Variants in SPMIP2 observed in about 807,000 individuals in gnomAD.
SPMIP2 encodes protein SPMIP2.
At chr4:158,958,414 A>C in the SPMIP2 span, among the ~76,000 whole-genome samples, 5 of 152,172 alleles carry the variant, frequency 3.3e-5, no homozygotes. Flanking sequence ...GATTACAGGC[A>C]TGAGCCACTG....
the SPMIP2 span, among the ~76,000 whole-genome samples, chr4:158,976,659 A>ATTTTTTTTTT: frequency 9.5e-5 from 9 of 94,718 alleles, no homozygotes; most frequent in Non-Finnish European, 1.3e-4. Context: ...ATGGATAAGC[A>ATTTTTTTTTT]TTTTTTTTTT....
At chr4:158,950,102 T>C in the SPMIP2 span, among the ~76,000 whole-genome samples, 3,147 of 152,302 alleles carry the variant, frequency 0.021, 115 homozygotes, top group African/African-American at 0.07. Context: ...TCCGTAAGTG[T>C]TCCTTAAGAC....
the SPMIP2 span, among the ~76,000 whole-genome samples, chr4:159,065,716 A>G: frequency 1.8e-4 from 28 of 152,318 alleles, no homozygotes; most frequent in African/African-American, 5.1e-4. Flanking sequence ...TTGCCTGTTA[A>G]ATATGCCACA....
chr4:159,079,587 T>TTTGTATTGGCTG, the SPMIP2 span, among the ~76,000 whole-genome samples: 7 of 152,210 alleles, frequency 4.6e-5, no homozygotes, highest in Non-Finnish European at 1.0e-4. Flanking sequence ...ACTTGGGGTT[T>TTTGTATTGGCTG]TTGTATTGGC....
chr4:159,061,182 GA>G, the SPMIP2 span, among the ~76,000 whole-genome samples: 1,326 of 151,232 alleles, frequency 8.8e-3, 27 homozygotes, highest in African/African-American at 0.03. Flanking sequence ...AATATAGCCA[GA>G]AAACAGCAGA....
chr4:159,070,944 C>T, the SPMIP2 span, among the ~76,000 whole-genome samples: 26 of 152,234 alleles, frequency 1.7e-4, no homozygotes, highest in Non-Finnish European at 2.5e-4. Flanking sequence ...TCTGGATCTG[C>T]GCCAAGCCTC....
chr4:159,065,354 T>G, the SPMIP2 span, among the ~76,000 whole-genome samples: 1 of 152,244 alleles, frequency 6.6e-6, no homozygotes, highest in Non-Finnish European at 1.5e-5. Context: ...GAGTACCTTT[T>G]CATCAGCCTT....
the SPMIP2 span, among the ~76,000 whole-genome samples, chr4:158,916,850 A>G: frequency 6.6e-6 from 1 of 152,142 alleles, no homozygotes; most frequent in Non-Finnish European, 1.5e-5. Flanking sequence ...CACCATGTCG[A>G]CCAAGCTGGT....
chr4:158,971,567 T>C, the SPMIP2 span, among the ~76,000 whole-genome samples: 23 of 152,132 alleles, frequency 1.5e-4, no homozygotes, highest in African/African-American at 5.1e-4. Flanking sequence ...ACCACAACAG[T>C]ACTAATAGCT....
the SPMIP2 span, among the ~76,000 whole-genome samples, chr4:158,949,216 A>G: frequency 1.3e-5 from 2 of 152,192 alleles, no homozygotes; most frequent in Non-Finnish European, 2.9e-5. Context: ...CATACATAGT[A>G]TTTATTAATA....
chr4:158,900,086 CTTCAT>C, the SPMIP2 span, among the ~76,000 whole-genome samples: 1 of 152,110 alleles, frequency 6.6e-6, no homozygotes, highest in Non-Finnish European at 1.5e-5. Flanking sequence ...TTATTTCTGC[CTTCAT>C]TTCGTTATGT....
At chr4:159,003,741 A>G in the SPMIP2 span, among the ~76,000 whole-genome samples, 3 of 152,200 alleles carry the variant, frequency 2.0e-5, no homozygotes, top group African/African-American at 7.2e-5. Context: ...CCTCCTTCCC[A>G]TTATCAAGGT....
the SPMIP2 span, among the ~76,000 whole-genome samples, chr4:158,948,277 C>T: frequency 6.6e-6 from 1 of 152,172 alleles, no homozygotes; most frequent in Admixed American, 6.5e-5. Flanking sequence ...TGCTAGATAA[C>T]ATTCTTCAGC....
chr4:159,064,141 G>A, the SPMIP2 span, among the ~76,000 whole-genome samples: 1 of 152,134 alleles, frequency 6.6e-6, no homozygotes, highest in African/African-American at 2.4e-5. Flanking sequence ...AAGCCAGGAG[G>A]TGGAGTTTGC....
At chr4:158,940,775 T>A in the SPMIP2 span, among the ~76,000 whole-genome samples, 1 of 152,186 alleles carries the variant, frequency 6.6e-6, no homozygotes, top group East Asian at 1.9e-4. Flanking sequence ...CATGGATACA[T>A]ATGTGGATAT....
At chr4:158,999,753 G>T in the SPMIP2 span, among the ~76,000 whole-genome samples, 1 of 152,182 alleles carries the variant, frequency 6.6e-6, no homozygotes, top group Non-Finnish European at 1.5e-5. Flanking sequence ...TTGTAAAATG[G>T]ATTTATAAAC....
At chr4:159,022,165 A>T in the SPMIP2 span, among the ~76,000 whole-genome samples, 13 of 152,160 alleles carry the variant, frequency 8.5e-5, no homozygotes, top group Admixed American at 5.2e-4. Context: ...TTTCCTTGCA[A>T]TGAACACAGA....
chr4:158,937,518 A>G, the SPMIP2 span: 2 of 154,514 alleles, frequency 1.3e-5, no homozygotes, highest in Non-Finnish European at 2.9e-5. Context: ...TGCTGGGAAA[A>G]TCGAGGTTCT....
At chr4:159,043,456 T>C in the SPMIP2 span, among the ~76,000 whole-genome samples, 1 of 152,188 alleles carries the variant, frequency 6.6e-6, no homozygotes, top group Non-Finnish European at 1.5e-5. Context: ...CACGCCATTC[T>C]CCTGCCTCAG....
Sources: allele counts gnomAD v4.1 joint callset (sites outside exome capture counted in the v4.1 genomes callset), GRCh38; gene constraint gnomAD v4.1.1; transcripts MANE v1.5; gene names NCBI Gene and HGNC (gene_info 2026-07-23, HGNC 2026-07-21).